Variants in LRRC74B observed in about 807,000 individuals in gnomAD.
The protein encoded by LRRC74B is leucine rich repeat containing 74B, also known as leucine-rich repeat-containing protein 74B.
Under a neutral mutation model 16.6 loss-of-function variants are expected in LRRC74B, and 30 were observed. The observed-to-expected ratio is 1.80, with a 90% CI of 1.35 to 2.45. LRRC74B has a LOEUF of 2.45. LRRC74B is among the 30% of genes most tolerant of loss of function. LRRC74B has a pLI of 0.00. For synonymous variants in LRRC74B, 134 were observed against 86.0 expected (o/e 1.56, Z -3.09); for missense variants, 326 against 202.4 (o/e 1.61, Z -3.71).
chr22:21,052,759 T>C (rs1158850911), intron 5 of LRRC74B, among the ~76,000 whole-genome samples: 4 of 152,182 alleles, frequency 2.6e-5, no homozygotes, highest in South Asian at 2.1e-4. Flanking sequence ...TTGTGGTTCA[T>C]AGGGCTCGGG....
chr22:21,049,120 C>T lies in LRRC74B; in HGVS notation c.585C>T (p.Ser195=), dbSNP rs193242696. ...TGCTGGCCCACACAGACCTGAAGTCCCTGGACCTGAGCTACAACCAGCTGA... is the reference window on the plus strand; with the variant it reads ...TGCTGGCCCACACAGACCTGAAGTCTCTGGACCTGAGCTACAACCAGCTGA... Residue 195 remains serine, a synonymous_variant, in exon 4 of 9, where the codon TCC becomes TCT. Coordinates refer to ENST00000442047, the Ensembl canonical transcript of LRRC74B. The T allele has an allele frequency of 7.3e-3, 5,251 of 716,082 alleles. 4 individuals carry two copies. Among genetic ancestry groups the T allele is most frequent in the Non-Finnish European group, 9.9e-3 (3,812 of 384,576 alleles). The allele number at this position is 716,082 out of a possible 1,614,324, so 44.4% of individuals were successfully genotyped here.
At chr22:21,059,245 G>A (rs1232575183) in intron 8 of LRRC74B, among the ~76,000 whole-genome samples, 2 of 152,158 alleles carry the variant, frequency 1.3e-5, no homozygotes, top group Admixed American at 6.6e-5. Context: ...AAAATTAGCC[G>A]GGCATAGTGG....
At chr22:21,059,547 C>T (rs895239830) in intron 8 of LRRC74B, among the ~76,000 whole-genome samples, 9 of 151,978 alleles carry the variant, frequency 5.9e-5, no homozygotes, top group African/African-American at 9.7e-5. Flanking sequence ...GGTGACAGAG[C>T]GAGACTCTAC....
chr22:21,061,958 A>G (rs1302723331), downstream of LRRC74B: 2 of 152,218 alleles, frequency 1.3e-5, no homozygotes, highest in African/African-American at 4.8e-5. Context: ...TCTAAAGGCA[A>G]TTGAATTACA....
intron 8 of LRRC74B, among the ~76,000 whole-genome samples, chr22:21,058,016 G>GC (rs1305255919): frequency 1.3e-5 from 2 of 150,772 alleles, no homozygotes; most frequent in African/African-American, 4.9e-5. Flanking sequence ...CTCCTGAGTA[G>GC]CCAGGATTAC....
intron 4 of LRRC74B, among the ~76,000 whole-genome samples, chr22:21,050,756 C>T (rs1289061651): frequency 3.9e-5 from 5 of 129,696 alleles, no homozygotes; most frequent in East Asian, 4.7e-4. Context: ...CCGGCCTGGG[C>T]GAAAGAGCGA....
intron 7 of LRRC74B, chr22:21,056,807 A>C: frequency 2.8e-6 from 1 of 353,568 alleles, no homozygotes; most frequent in East Asian, 6.1e-5. Flanking sequence ...TGCGCTGATC[A>C]CACCACATTT....
At chr22:21,055,026 C>T (rs1398108207) in intron 6 of LRRC74B, 72 bp from the exon 7 acceptor site, 2 of 698,120 alleles carry the variant, frequency 2.9e-6, no homozygotes. Context: ...CCAGTGGGCA[C>T]CCTGGGGCAG....
chr22:21,051,101 G>A (rs535079319), intron 4 of LRRC74B, among the ~76,000 whole-genome samples: 2 of 151,974 alleles, frequency 1.3e-5, no homozygotes, highest in Admixed American at 6.6e-5. Context: ...GCAGTGAGCC[G>A]TGATTGTCCC....
In LRRC74B at chr22:21,060,299, T is replaced by G. The variant is rs1171260796; in HGVS notation, c.1024-74T>G. ...GCCCGAAGGAGCTTCTCTGAGACCTTGCGTGTGTGAGTGAAAAATGGTGAA... is the reference window on the plus strand; with the variant it reads ...GCCCGAAGGAGCTTCTCTGAGACCTGGCGTGTGTGAGTGAAAAATGGTGAA... On this transcript the variant is annotated intron_variant, in intron 8 of 8. Transcript: ENST00000442047. The G allele has an allele frequency of 2.0e-5, 13 of 635,624 alleles. No individual in the cohort carries two copies. The Admixed American group carries it at 3.2e-4, about 16-fold the overall frequency. 39.4% of individuals were successfully genotyped at this position (635,624 alleles called of 1,614,324 possible).
downstream of LRRC74B, among the ~76,000 whole-genome samples, chr22:21,061,243 C>T (rs917169651): frequency 8.6e-5 from 13 of 151,912 alleles, no homozygotes; most frequent in Non-Finnish European, 1.8e-4. Flanking sequence ...AGGAGAATTG[C>T]TTGAATCCTG....
intron 4 of LRRC74B, among the ~76,000 whole-genome samples, chr22:21,051,029 G>C (rs1433559014): frequency 6.7e-6 from 1 of 150,334 alleles, no homozygotes. Flanking sequence ...GGTGACATGT[G>C]CCTGTAGTCT....
chr22:21,047,553 G>C (rs1412188747), intron 2 of LRRC74B, 55 bp downstream of exon 2: 3 of 703,612 alleles, frequency 4.3e-6, no homozygotes, highest in Non-Finnish European at 7.9e-6. Flanking sequence ...TCGGGAGACA[G>C]CAGCCATGGG....
downstream of LRRC74B, chr22:21,062,115 G>A (rs5762158): frequency 0.22 from 33,504 of 152,124 alleles, 4,934 homozygotes; most frequent in African/African-American, 0.42. Context: ...ACAAGATCAC[G>A]TGTCGCATGA....
intron 4 of LRRC74B, among the ~76,000 whole-genome samples, chr22:21,050,776 TCAAAAAAAA>T (rs1569196893): frequency 4.7e-5 from 2 of 42,248 alleles, no homozygotes; most frequent in South Asian, 1.9e-3. Flanking sequence ...AGACTCTGTC[TCAAAAAAAA>T]AAAAAAAAAA....
intron 4 of LRRC74B, among the ~76,000 whole-genome samples, chr22:21,049,720 G>T (rs373432): frequency 0.56 from 85,492 of 151,350 alleles, 27,495 homozygotes; most frequent in Non-Finnish European, 0.75. Flanking sequence ...CCAGGCTGTG[G>T]GGTGGAGAGG....
chr22:21,056,849 G>T, intron 7 of LRRC74B: 1 of 442,294 alleles, frequency 2.3e-6, no homozygotes, highest in Non-Finnish European at 4.0e-6. Flanking sequence ...CCTCTCCCCA[G>T]CAGGCAAGTT....
chr22:21,057,180 C>G (rs542456466), exon 8 of LRRC74B: 2 of 717,422 alleles, frequency 2.8e-6, no homozygotes, highest in Admixed American at 2.0e-5. Context: ...AGCCTCTGCC[C>G]TGGAACTGCT....
At chr22:21,057,851 C>A (rs958008284) in intron 8 of LRRC74B, among the ~76,000 whole-genome samples, 21 of 146,606 alleles carry the variant, frequency 1.4e-4, no homozygotes, top group Non-Finnish European at 2.7e-4. Flanking sequence ...TCAAGTGATC[C>A]TGTGCCATGG....
Sources: gnomAD v4.1 joint callset for allele counts (sites outside exome capture counted in the v4.1 genomes callset) on GRCh38, gnomAD v4.1.1 for gene constraint, MANE v1.5 for transcripts, NCBI Gene and HGNC (gene_info 2026-07-23, HGNC 2026-07-21) for gene names.